The following KSR2 variants were observed in gnomAD, a reference collection of about 807,000 sequenced individuals.
The protein encoded by KSR2 is kinase suppressor of ras 2.
KSR2 carries 25 observed loss-of-function variants against 107.8 expected under a neutral mutation model. That is an observed-to-expected ratio of 0.23 (90% CI 0.17 to 0.32). KSR2 has a LOEUF of 0.32. Among genes scored for constraint, KSR2 ranks in the 10% least tolerant of loss-of-function variants. The pLI is 1.00. For missense variants in KSR2, 887 were observed against 1,268.9 expected, an observed-to-expected ratio of 0.70 and a Z score of 4.57; for synonymous variants, 480 against 507.0, an observed-to-expected ratio of 0.95 and a Z score of 0.71.
intron 14 of KSR2, among the ~76,000 whole-genome samples, chr12:117,497,245 G>C (rs915156939): frequency 6.6e-6 from 1 of 152,094 alleles, no homozygotes; most frequent in Non-Finnish European, 1.5e-5. Context: ...CTCTTTGCTC[G>C]AATGAGCTGA....
At chr12:117,868,854 G>A (rs912747617) in intron 1 of KSR2, among the ~76,000 whole-genome samples, 5 of 151,762 alleles carry the variant, frequency 3.3e-5, no homozygotes, top group Non-Finnish European at 5.9e-5. Context: ...AGGTTCAAGC[G>A]AGTCTCCTGC....
At position 117,564,506 on chromosome 12, in the gene KSR2, TG is replaced by T. The variant is rs1409522607; in HGVS notation, c.1326-5934del. On this transcript the variant is annotated intron_variant, in intron 7 of 19. Transcript: ENST00000339824. ...GGAAAGGATTTATTTAAAACTTTCATGGCAAATAGTTAACTTCTTTTTTCTT... is the reference window on the plus strand; with the variant it reads ...GGAAAGGATTTATTTAAAACTTTCATGCAAATAGTTAACTTCTTTTTTCTT... Among the ~76,000 whole-genome samples, 8 of 152,162 alleles carry T rather than the reference TG, an allele frequency of 5.3e-5. No individual in the cohort carries two copies. In the East Asian group the frequency reaches 1.2e-3, roughly 22 times the overall value.
chr12:117,473,272 C>CGACT (rs1565862936), intron 17 of KSR2, among the ~76,000 whole-genome samples: 1 of 152,166 alleles, frequency 6.6e-6, no homozygotes, highest in Non-Finnish European at 1.5e-5. Flanking sequence ...TTTTCAAAGG[C>CGACT]GACTGTTGGC....
At chr12:117,865,404 C>T (rs753155104) in intron 1 of KSR2, among the ~76,000 whole-genome samples, 9 of 152,072 alleles carry the variant, frequency 5.9e-5, no homozygotes, top group East Asian at 5.8e-4. Flanking sequence ...GAATAAATGA[C>T]GTTTTACTGT....
chr12:117,680,799 GT>G (rs1398372185), intron 4 of KSR2, among the ~76,000 whole-genome samples: 1 of 152,132 alleles, frequency 6.6e-6, no homozygotes, highest in Non-Finnish European at 1.5e-5. Flanking sequence ...TGGCCTCATT[GT>G]GTCTTTGAAA....
At chr12:117,610,775 A>G (rs1881552704) in intron 5 of KSR2, among the ~76,000 whole-genome samples, 1 of 151,764 alleles carries the variant, frequency 6.6e-6, no homozygotes, top group South Asian at 2.1e-4. Context: ...GTTAGAAAAT[A>G]AAACCCCCAC....
chr12:117,774,725 A>G (rs940170427), intron 3 of KSR2, among the ~76,000 whole-genome samples: 2 of 152,226 alleles, frequency 1.3e-5, no homozygotes, highest in Non-Finnish European at 2.9e-5. Flanking sequence ...CACTTAGTAC[A>G]TTCTCAATGT....
At chr12:117,758,110 A>C (rs1447988908) in intron 4 of KSR2, among the ~76,000 whole-genome samples, 1 of 152,182 alleles carries the variant, frequency 6.6e-6, no homozygotes, top group African/African-American at 2.4e-5. Flanking sequence ...AATGTATTCT[A>C]ACCTCTTGGG....
chr12:117,785,493 G>A (rs543968979), intron 3 of KSR2, among the ~76,000 whole-genome samples: 2 of 134,908 alleles, frequency 1.5e-5, no homozygotes, highest in South Asian at 5.0e-4. Flanking sequence ...AGAATTACCA[G>A]ACATAAACTT....
intron 1 of KSR2, among the ~76,000 whole-genome samples, chr12:117,966,086 A>AGCCATCCTACCAGTGCC (rs1429823962): frequency 1.3e-5 from 2 of 152,304 alleles, no homozygotes; most frequent in African/African-American, 4.8e-5. Flanking sequence ...ACTCCCCCAT[A>AGCCATCCTACCAGTGCC]GCCATCCTAC....
At position 117,667,625 on chromosome 12, in the gene KSR2, C is replaced by G; in HGVS notation, c.1020G>C (p.Lys340Asn). 2 of 1,606,014 alleles carry G rather than the reference C, an allele frequency of 1.2e-6. No homozygotes were observed. The highest frequency in any genetic ancestry group is 1.7e-6 in the Non-Finnish European group (2 of 1,176,590). ...AKKKSKPLNLKIHSSVGSCEN... is the reference protein window; with the variant it reads ...AKKKSKPLNLNIHSSVGSCEN... Reference sequence around the variant, plus strand: ...CGCAGCTGCCTACGCTGCTGTGGATCTTGAGGTTCAAGGGTTTGCTCTTCT... The same window carrying G: ...CGCAGCTGCCTACGCTGCTGTGGATGTTGAGGTTCAAGGGTTTGCTCTTCT... Residue 340 changes from lysine (K) to asparagine (N), a missense_variant, in exon 5 of 20, where the codon AAG (lysine) becomes AAC (asparagine). Lys to Asn is a moderately conservative substitution (Grantham distance 94). Coordinates refer to ENST00000339824, the MANE Select transcript of KSR2 (RefSeq NM_173598.6).
chr12:117,765,652 C>T (rs1889199256), intron 3 of KSR2, among the ~76,000 whole-genome samples: 1 of 152,028 alleles, frequency 6.6e-6, no homozygotes, highest in South Asian at 2.1e-4. Context: ...AGTAGGGAAA[C>T]AAATGAAACA....
At chr12:117,961,871 C>T (rs370217652) in intron 1 of KSR2, among the ~76,000 whole-genome samples, 9 of 152,180 alleles carry the variant, frequency 5.9e-5, no homozygotes, top group East Asian at 1.9e-4. Flanking sequence ...GGAGGCCAGG[C>T]GTGGTGATTA....
At chr12:117,726,587 T>C (rs1212293170) in intron 4 of KSR2, among the ~76,000 whole-genome samples, 1 of 152,224 alleles carries the variant, frequency 6.6e-6, no homozygotes, top group Non-Finnish European at 1.5e-5. Flanking sequence ...CTGCAAATTA[T>C]GGCCAGCAAA....
At chr12:117,884,208 G>A (rs763837441) in intron 1 of KSR2, among the ~76,000 whole-genome samples, 10 of 152,034 alleles carry the variant, frequency 6.6e-5, no homozygotes, top group Non-Finnish European at 1.2e-4. Flanking sequence ...TGTGCTCCCC[G>A]CTCCTGCCTC....
At chr12:117,737,103 G>A (rs531782605) in intron 4 of KSR2, among the ~76,000 whole-genome samples, 2 of 152,274 alleles carry the variant, frequency 1.3e-5, no homozygotes, top group African/African-American at 4.8e-5. Context: ...GATCCACACT[G>A]GAAAATTCAA....
chr12:117,697,654 C>T lies in KSR2; in HGVS notation c.987-29996G>A, dbSNP rs147224211. On this transcript the variant is annotated intron_variant, in intron 4 of 19. Transcript: ENST00000339824. The stretch of plus-strand genomic sequence containing the variant: ...ACTCAGAAGGCTGAGGCAGGTGAAT[C>T]GCTTGAACCCAGGAGGCGGAGGTTG... Among the ~76,000 whole-genome samples the T allele has an allele frequency of 7.6e-3, 1,147 of 151,076 alleles. 13 individuals are homozygous for T. The highest frequency in any genetic ancestry group is 0.021 in the African/African-American group (880 of 41,074).
rs1177813387 is a variant in KSR2, at chr12:117,855,640, G to A, written c.322-62C>T. ...GGAACAGCATCTCTGCCTCCACGCTGCCCTGTAGTGGTGCCTAGAGGAGAA... is the reference window on the plus strand; with the variant it reads ...GGAACAGCATCTCTGCCTCCACGCTACCCTGTAGTGGTGCCTAGAGGAGAA... On this transcript the variant is annotated intron_variant, in intron 2 of 19. Coordinates refer to ENST00000339824, the MANE Select transcript of KSR2 (RefSeq NM_173598.6). 16 of 1,537,930 alleles carry A rather than the reference G, an allele frequency of 1.0e-5. No homozygotes were observed. In the Admixed American group the frequency reaches 2.6e-4, roughly 25 times the overall value.
At chr12:117,824,312 T>C (rs1891663868) in intron 3 of KSR2, among the ~76,000 whole-genome samples, 1 of 152,090 alleles carries the variant, frequency 6.6e-6, no homozygotes, top group South Asian at 2.1e-4. Context: ...AATATTCGAT[T>C]TGATAGAAAA....
Sources: gnomAD v4.1 joint callset for allele counts (sites outside exome capture counted in the v4.1 genomes callset) on GRCh38, gnomAD v4.1.1 for gene constraint, MANE v1.5 for transcripts, NCBI Gene and HGNC (gene_info 2026-07-23, HGNC 2026-07-21) for gene names.